The following LARP7 variants were observed in gnomAD, a reference collection of about 807,000 sequenced individuals.
The protein encoded by LARP7 is La ribonucleoprotein 7, transcriptional regulator, also known as la-related protein 7.
Under a neutral mutation model 69.3 loss-of-function variants are expected in LARP7, and 52 were observed. The observed-to-expected ratio is 0.75, with a 90% CI of 0.60 to 0.95. The LOEUF (loss-of-function observed/expected upper bound fraction) is 0.95, where lower values mean the gene tolerates loss of function less well. Among genes scored for constraint, LARP7 ranks in the 40% least tolerant of loss-of-function variants. The probability of loss-of-function intolerance (pLI) is 0.00; values close to 1 mark genes in which losing one functional copy is unlikely to be tolerated. For missense variants in LARP7, 733 were observed against 673.0 expected (o/e 1.09, Z -0.99); for synonymous variants, 254 against 215.9 (o/e 1.18, Z -1.55).
At chr4:112,640,465 G>A (rs1316726736) in intron 1 of LARP7, among the ~76,000 whole-genome samples, 3 of 152,104 alleles carry the variant, frequency 2.0e-5, no homozygotes, top group Non-Finnish European at 4.4e-5. Context: ...ACTTTGAGAG[G>A]CCCAAATGGG....
chr4:112,648,296 A>C (rs987252205), intron 8 of LARP7: 1 of 527,268 alleles, frequency 1.9e-6, no homozygotes, highest in Non-Finnish European at 3.9e-6. Flanking sequence ...ACCTGTAACA[A>C]GCTTAGTAAC....
chr4:112,654,405 ATATACT>A (rs2048877114), intron 12 of LARP7: 1 of 362,960 alleles, frequency 2.8e-6, no homozygotes, highest in Non-Finnish European at 5.1e-6. Context: ...TTAACCAGTG[ATATACT>A]TTAACAGTCT....
chr4:112,647,300 A>G lies in LARP7; in HGVS notation c.748A>G (p.Lys250Glu). Residue 250 changes from lysine (K) to glutamate (E), a missense_variant, in exon 7 of 13, where the codon AAA becomes GAA. Coordinates refer to ENST00000344442, the MANE Select transcript of LARP7 (RefSeq NM_016648.4). Reference sequence around the variant, plus strand: ...GGACACAAGCAACACCAGCATCAGTAAAATGAAAAGATCCAGACCCACATC... The same window carrying G: ...GGACACAAGCAACACCAGCATCAGTGAAATGAAAAGATCCAGACCCACATC... ...NMDTSNTSIS[K>E]MKRSRPTSEG... 2.5e-6 allele frequency: 4 copies of G among 1,614,088 alleles called. No individual in the cohort carries two copies.
Position 112,647,222 on chromosome 4 carries a change from A to T in LARP7, c.670A>T (p.Lys224Ter). ...VVEEKKKKKK[K>*]KGRMKKEDNI... Reference sequence around the variant, plus strand: ...AGAAGAGAAGAAAAAGAAAAAGAAGAAGAAAGGCCGAATGAAAAAGGAAGA... The same window carrying T: ...AGAAGAGAAGAAAAAGAAAAAGAAGTAGAAAGGCCGAATGAAAAAGGAAGA... Residue 224 changes from lysine to a stop codon, truncating the protein, a stop_gained, in exon 7 of 13, where the codon AAG (lysine) becomes TAG (stop). Transcript: ENST00000344442. LOFTEE classifies it high-confidence loss of function. 1 of 1,594,230 alleles carries T rather than the reference A, an allele frequency of 6.3e-7. No homozygotes were observed. Among genetic ancestry groups the T allele is most frequent in the Non-Finnish European group, 8.5e-7 (1 of 1,174,712 alleles).
chr4:112,643,209 T>C (rs1029609434), intron 1 of LARP7, among the ~76,000 whole-genome samples: 1 of 152,198 alleles, frequency 6.6e-6, no homozygotes, highest in Non-Finnish European at 1.5e-5. Flanking sequence ...TGTTAGAAGA[T>C]GATAAATGCT....
intron 11 of LARP7, among the ~76,000 whole-genome samples, 164 bp from the exon 12 acceptor site, chr4:112,653,904 T>C: frequency 6.6e-6 from 1 of 152,226 alleles, no homozygotes; most frequent in Middle Eastern, 3.2e-3. Context: ...CCACCGCACC[T>C]GGCAAAACTA....
Position 112,646,613 on chromosome 4 carries a change from G to C in LARP7, c.329G>C (p.Arg110Pro), listed in dbSNP as rs1164711856. Residue 110 changes from arginine to proline, a missense_variant, in exon 4 of 13, where the codon CGG (arginine) becomes CCG (proline). Coordinates refer to ENST00000344442, the MANE Select transcript of LARP7 (RefSeq NM_016648.4). ...VELDLEGTRI[R>P]RKKPLGERPK... is the part of the protein sequence containing the mutation. ...CTTGATTTGGAAGGCACCAGAATCC[G>C]GAGGAAAAAACCTCTGGGGGAAAGA... 1 of 1,598,674 alleles carries C rather than the reference G, an allele frequency of 6.3e-7. No individual in the cohort carries two copies. The highest frequency in any genetic ancestry group is 2.2e-5 in the East Asian group (1 of 44,450).
At chr4:112,646,989 A>G (rs2048310894) in intron 5 of LARP7, 34 bp downstream of exon 5, 17 of 1,577,336 alleles carry the variant, frequency 1.1e-5, no homozygotes, top group Non-Finnish European at 1.5e-5. Context: ...AAAAAGAAAG[A>G]AAAGAAAACA....
At chr4:112,655,856 C>T (rs1420334920) in intron 12 of LARP7, among the ~76,000 whole-genome samples, 1 of 152,086 alleles carries the variant, frequency 6.6e-6, no homozygotes, top group African/African-American at 2.4e-5. Context: ...AGAAGTATAG[C>T]TTTTCAGGCA....
At position 112,646,359 on chromosome 4, in the gene LARP7, A is replaced by C; in HGVS notation, c.211A>C (p.Ile71Leu). ...TTTTTCATTTTCTTTAGATGTTGATATATCACTACTTGTGTCTTTTAACAA... is the reference window on the plus strand; with the variant it reads ...TTTTTCATTTTCTTTAGATGTTGATCTATCACTACTTGTGTCTTTTAACAA... ...IEKSRDGYVD[I>L]SLLVSFNKMK... The change falls in exon 3 of 13, where the codon ATA becomes CTA. Residue 71 changes from isoleucine (I) to leucine (L), a missense_variant. Physicochemically the swap from Ile to Leu is conservative, Grantham distance 5 (BLOSUM62 2). Transcript: ENST00000344442. 6.9e-7 allele frequency: 1 copy of C among 1,451,060 alleles called. No individual in the cohort carries two copies. The highest frequency in any genetic ancestry group is 9.6e-7 in the Non-Finnish European group (1 of 1,038,804). The allele number at this position is 1,451,060 out of a possible 1,614,324, so 89.9% of individuals were successfully genotyped here.
rs1560934228 is a variant in LARP7, at chr4:112,647,393, A to C, written c.841A>C (p.Arg281=). Reference sequence around the variant, plus strand: ...CTCAAAGAAAAAGAAAAAACGGGACAGAGTTGAAGCATCTAGCTTACCTGA... The same window carrying C: ...CTCAAAGAAAAAGAAAAAACGGGACCGAGTTGAAGCATCTAGCTTACCTGA... The part of the protein sequence containing the change: ...QCSKKKKKRD[R]VEASSLPEVR... Residue 281 remains arginine, a synonymous_variant, in exon 7 of 13, where the codon AGA becomes CGA. Transcript: ENST00000344442. The C allele has an allele frequency of 6.2e-7, 1 of 1,614,120 alleles. No homozygotes were observed. Among genetic ancestry groups the C allele is most frequent in the Admixed American group, 1.7e-5 (1 of 60,018 alleles).
In LARP7 at chr4:112,646,852, ATGT is replaced by A. The variant is rs1351409345; in HGVS notation, c.454_456del (p.Val152del). Reference sequence around the variant, plus strand: ...GAAAGAGTATTTGGGAAATGTGGCAATGTTGTTTATATAAGTATACCACATTAT... The same window carrying A: ...GAAAGAGTATTTGGGAAATGTGGCAATGTTTATATAAGTATACCACATTAT... On this transcript the variant is annotated inframe_deletion, in exon 5 of 13. Coordinates refer to ENST00000344442, the MANE Select transcript of LARP7 (RefSeq NM_016648.4). 1.9e-6 allele frequency: 3 copies of A among 1,607,876 alleles called. No homozygotes were observed. The highest frequency in any genetic ancestry group is 2.5e-6 in the Non-Finnish European group (3 of 1,178,598).
intron 2 of LARP7, chr4:112,645,497 C>G: frequency 2.2e-6 from 1 of 456,104 alleles, no homozygotes; most frequent in South Asian, 1.5e-5. Flanking sequence ...TCACCTAGCT[C>G]AATGTTATTT....
chr4:112,645,224 C>T (rs999299319), intron 2 of LARP7, among the ~76,000 whole-genome samples: 28 of 151,956 alleles, frequency 1.8e-4, no homozygotes, highest in African/African-American at 6.0e-4. Context: ...GGATTACAGG[C>T]GTGAGCCACT....
In LARP7 at chr4:112,640,657, G is replaced by A. The variant is rs796477193; in HGVS notation, c.-3+3418G>A. Among the ~76,000 whole-genome samples the A allele has an allele frequency of 5.3e-5, 8 of 152,282 alleles. 1 individual carries two copies. The highest frequency in any genetic ancestry group is 1.9e-4 in the African/African-American group (8 of 41,552). ...AGAAGTTGTAGTGAGCCAAGATTGTGCCACTGCAGTCCAGGCTGCACAACA... is the reference window on the plus strand; with the variant it reads ...AGAAGTTGTAGTGAGCCAAGATTGTACCACTGCAGTCCAGGCTGCACAACA... On this transcript the variant is annotated intron_variant, in intron 1 of 12. Coordinates refer to ENST00000344442, the MANE Select transcript of LARP7 (RefSeq NM_016648.4).
At chr4:112,653,386 C>T (rs2048833294) in intron 11 of LARP7, 150 bp downstream of exon 11, 6 of 487,222 alleles carry the variant, frequency 1.2e-5, no homozygotes, top group Non-Finnish European at 1.4e-5. Context: ...CTCAGCTCAC[C>T]GCATCCTCCA....
intron 10 of LARP7, among the ~76,000 whole-genome samples, chr4:112,652,304 C>CCG (rs1554013514): frequency 4.9e-5 from 7 of 141,936 alleles, no homozygotes; most frequent in African/African-American, 1.8e-4. Context: ...CCCCCCCCCC[C>CCG]CCATTTAGCA....
chr4:112,649,605 A>AG lies in LARP7; in HGVS notation c.1213_1214insG (p.Thr405SerfsTer26). 6.2e-7 allele frequency: 1 copy of AG among 1,609,152 alleles called. No individual in the cohort carries two copies. Among genetic ancestry groups the AG allele is most frequent in the South Asian group, 1.1e-5 (1 of 90,608 alleles). On this transcript the variant is annotated frameshift_variant, in exon 9 of 13. Transcript: ENST00000344442. LOFTEE classifies it high-confidence loss of function. ...AGCTAGCATGGCTTCTTTAAAAAAA[A>AG]CAATATCCCAAATAAAATCAGAGTC...
At chr4:112,645,978 AT>A (rs2048192286) in intron 2 of LARP7, among the ~76,000 whole-genome samples, 1 of 150,430 alleles carries the variant, frequency 6.6e-6, no homozygotes, top group Non-Finnish European at 1.5e-5. Flanking sequence ...ATGCAATGCC[AT>A]TTAGACCCTC....
Sources: gnomAD v4.1 joint callset for allele counts (sites outside exome capture counted in the v4.1 genomes callset) on GRCh38, gnomAD v4.1.1 for gene constraint, MANE v1.5 for transcripts, NCBI Gene and HGNC (gene_info 2026-07-23, HGNC 2026-07-21) for gene names.